Variants in SGCZ observed in about 807,000 individuals in gnomAD.
SGCZ encodes zeta-sarcoglycan.
Under a neutral mutation model 41.3 loss-of-function variants are expected in SGCZ, and 40 were observed. The observed-to-expected ratio is 0.97, with a 90% CI of 0.75 to 1.26. The LOEUF is 1.26. SGCZ is among the 50% of genes most tolerant of loss of function. The pLI is 0.00. For missense variants in SGCZ, 552 were observed against 369.8 expected (o/e 1.49, Z -4.04); for synonymous variants, 206 against 137.5 (o/e 1.50, Z -3.49).
intron 1 of SGCZ, among the ~76,000 whole-genome samples, chr8:14,908,860 C>T (rs1241253577): frequency 1.3e-5 from 2 of 151,656 alleles, no homozygotes; most frequent in Non-Finnish European, 2.9e-5. Context: ...ATTCTTACTG[C>T]ATTTATATGC....
intron 1 of SGCZ, among the ~76,000 whole-genome samples, chr8:14,606,952 G>T (rs999449805): frequency 3.9e-5 from 6 of 152,142 alleles, no homozygotes; most frequent in African/African-American, 1.4e-4. Context: ...TTCACTGTGT[G>T]AGGCTAATGT....
intron 4 of SGCZ, among the ~76,000 whole-genome samples, chr8:14,217,585 G>C (rs138096054): frequency 5.7e-4 from 84 of 148,252 alleles, no homozygotes; most frequent in African/African-American, 1.9e-3. Flanking sequence ...ATGATTTTGA[G>C]AGATGAAGCA....
At chr8:14,894,172 C>T (rs185105232) in intron 1 of SGCZ, among the ~76,000 whole-genome samples, 1 of 152,106 alleles carries the variant, frequency 6.6e-6, no homozygotes, top group African/African-American at 2.4e-5. Context: ...AGAAGATGTG[C>T]AACTGCCTCA....
At chr8:14,475,486 T>A (rs1352193422) in intron 2 of SGCZ, among the ~76,000 whole-genome samples, 4 of 152,190 alleles carry the variant, frequency 2.6e-5, no homozygotes. Flanking sequence ...TGATTGTTAT[T>A]AAAGCAAAAG....
At chr8:15,121,592 A>G (rs1807479801) in intron 1 of SGCZ, among the ~76,000 whole-genome samples, 1 of 152,196 alleles carries the variant, frequency 6.6e-6, no homozygotes, top group Non-Finnish European at 1.5e-5. Flanking sequence ...TTCTATGCAT[A>G]TATAACAATA....
chr8:14,647,476 C>T (rs1301238771), intron 1 of SGCZ, among the ~76,000 whole-genome samples: 1 of 151,946 alleles, frequency 6.6e-6, no homozygotes, highest in Admixed American at 6.6e-5. Flanking sequence ...TCTAACAAAT[C>T]GCTGTGAATA....
chr8:14,214,697 A>AT (rs34754133), intron 4 of SGCZ, among the ~76,000 whole-genome samples: 36,398 of 151,888 alleles, frequency 0.24, 5,537 homozygotes, highest in Non-Finnish European at 0.34. Context: ...GCTAACAGTA[A>AT]TTTTTTTAAA....
chr8:14,813,337 T>C (rs903197282), intron 1 of SGCZ, among the ~76,000 whole-genome samples: 1 of 152,184 alleles, frequency 6.6e-6, no homozygotes, highest in African/African-American at 2.4e-5. Flanking sequence ...AAAATAAATC[T>C]GAATGTTAAT....
At chr8:14,813,672 C>T (rs779700827) in intron 1 of SGCZ, among the ~76,000 whole-genome samples, 1 of 152,084 alleles carries the variant, frequency 6.6e-6, no homozygotes, top group Non-Finnish European at 1.5e-5. Context: ...TAAAGCAAGG[C>T]CGCGAGCAGT....
chr8:15,220,256 G>C (rs1047126180), intron 1 of SGCZ, among the ~76,000 whole-genome samples: 18 of 152,124 alleles, frequency 1.2e-4, no homozygotes, highest in African/African-American at 4.3e-4. Context: ...GCTCTCTTTG[G>C]ACAAACTGAC....
intron 2 of SGCZ, among the ~76,000 whole-genome samples, chr8:14,506,035 G>C (rs1028646988): frequency 6.6e-6 from 1 of 151,464 alleles, no homozygotes; most frequent in Non-Finnish European, 1.5e-5. Context: ...TCAATGAAAA[G>C]CAATCTAAAA....
intron 3 of SGCZ, among the ~76,000 whole-genome samples, chr8:14,297,542 A>G (rs1160778485): frequency 3.3e-5 from 5 of 151,910 alleles, no homozygotes; most frequent in African/African-American, 1.2e-4. Context: ...GAAAACCAAA[A>G]TTACCGCTTT....
intron 2 of SGCZ, among the ~76,000 whole-genome samples, chr8:14,520,473 G>A (rs1344051027): frequency 6.6e-6 from 1 of 152,016 alleles, no homozygotes; most frequent in Non-Finnish European, 1.5e-5. Context: ...ATATCTCTTG[G>A]CATACTGCTG....
chr8:14,543,449 G>A (rs531597781), intron 2 of SGCZ, among the ~76,000 whole-genome samples: 35 of 152,150 alleles, frequency 2.3e-4, no homozygotes, highest in African/African-American at 7.9e-4. Context: ...TAAAAATGAA[G>A]TCTAGACAGC....
intron 1 of SGCZ, among the ~76,000 whole-genome samples, chr8:14,737,540 G>C (rs748528300): frequency 3.9e-5 from 6 of 152,090 alleles, no homozygotes; most frequent in Non-Finnish European, 8.8e-5. Context: ...ATGGCACTGA[G>C]TGTGTGGCTT....
intron 1 of SGCZ, among the ~76,000 whole-genome samples, chr8:15,099,979 T>C (rs1213930187): frequency 6.6e-6 from 1 of 151,828 alleles, no homozygotes; most frequent in Non-Finnish European, 1.5e-5. Flanking sequence ...TCTACAAAAA[T>C]ACCTAGAGCC....
At chr8:14,280,711 G>A (rs17229834) in intron 3 of SGCZ, among the ~76,000 whole-genome samples, 32,587 of 151,334 alleles carry the variant, frequency 0.22, 4,641 homozygotes, top group Non-Finnish European at 0.32. Flanking sequence ...TTGGAAAATT[G>A]ACTTTGGACA....
At chr8:14,245,019 T>C (rs28800605) in intron 3 of SGCZ, among the ~76,000 whole-genome samples, 1 of 152,166 alleles carries the variant, frequency 6.6e-6, no homozygotes, top group Non-Finnish European at 1.5e-5. Context: ...TTTCTCAGTA[T>C]ACAATCATGT....
Position 14,281,681 on chromosome 8 carries a change from T to A in SGCZ, c.336+42422A>T, listed in dbSNP as rs1196533315. On this transcript the variant is annotated intron_variant, in intron 3 of 7. Coordinates refer to ENST00000382080, the MANE Select transcript of SGCZ (RefSeq NM_139167.4). Reference sequence around the variant, plus strand: ...ATACAAATATACATCAAAAAGGCATTGCTTCTGAATTTAAAACATTTAATC... The same window carrying A: ...ATACAAATATACATCAAAAAGGCATAGCTTCTGAATTTAAAACATTTAATC... Among the ~76,000 whole-genome samples the A allele has an allele frequency of 4.6e-5, 7 of 152,068 alleles. No individual in the cohort carries two copies. In the East Asian group the frequency reaches 1.2e-3, roughly 25 times the overall value.
Sources: allele counts gnomAD v4.1 joint callset (sites outside exome capture counted in the v4.1 genomes callset), GRCh38; gene constraint gnomAD v4.1.1; transcripts MANE v1.5; gene names NCBI Gene and HGNC (gene_info 2026-07-23, HGNC 2026-07-21).